The following ADPRHL1 variants were observed in gnomAD, a reference collection of about 807,000 sequenced individuals.
The protein encoded by ADPRHL1 is inactive ADP-ribosyltransferase ARH2.
Under a neutral mutation model 44.1 loss-of-function variants are expected in ADPRHL1, and 43 were observed. The ratio of observed to expected loss-of-function variants is 0.98; its 90% CI spans 0.76 to 1.26. The LOEUF (loss-of-function observed/expected upper bound fraction) is 1.26, where lower values mean the gene tolerates loss of function less well. Ranked by LOEUF, ADPRHL1 falls within the 50% of genes most tolerant of loss-of-function variation. The pLI is 0.00. For missense variants in ADPRHL1, 2,022 were observed against 2,496.9 expected, an observed-to-expected ratio of 0.81 and a Z score of 4.05; for synonymous variants, 878 against 1,017.4, an observed-to-expected ratio of 0.86 and a Z score of 2.61.
intron 2 of ADPRHL1, among the ~76,000 whole-genome samples, chr13:113,434,183 T>C (rs1200525772): frequency 6.6e-6 from 1 of 152,142 alleles, no homozygotes; most frequent in African/African-American, 2.4e-5. Context: ...CATTGAGTTA[T>C]AACTACATAC....
chr13:113,422,987 G>C lies in ADPRHL1; in HGVS notation c.908-8C>G. On this transcript the variant is annotated splice_polypyrimidine_tract_variant and splice_region_variant and intron_variant, in intron 6 of 7. Coordinates refer to ENST00000612156, the MANE Select transcript of ADPRHL1 (RefSeq NM_001394807.1). Reference sequence around the variant, plus strand: ...CCGTGGCCGCGCTCTCCCCTGAAACGCAAAGGCAGCAGTTGCAGTGGGCTC... The same window carrying C: ...CCGTGGCCGCGCTCTCCCCTGAAACCCAAAGGCAGCAGTTGCAGTGGGCTC... The C allele has an allele frequency of 1.2e-6, 2 of 1,612,608 alleles. No homozygotes were observed. The highest frequency in any genetic ancestry group is 1.7e-6 in the Non-Finnish European group (2 of 1,179,884).
At chr13:113,416,846 G>A (rs568102770) in intron 7 of ADPRHL1, among the ~76,000 whole-genome samples, 1 of 152,322 alleles carries the variant, frequency 6.6e-6, no homozygotes, top group South Asian at 2.1e-4. Context: ...GAGGATATAG[G>A]GTCGGCAGGT....
intron 7 of ADPRHL1, among the ~76,000 whole-genome samples, chr13:113,421,321 C>G (rs1269602558): frequency 1.4e-5 from 2 of 138,090 alleles, no homozygotes; most frequent in African/African-American, 5.7e-5. Context: ...ACGCCCACCC[C>G]GGGACACGCC....
In ADPRHL1 at chr13:113,407,531, C is replaced by T; in HGVS notation, c.1751G>A (p.Arg584Lys). ...CACGCGCACCTCCGGCCGGTGCATC[C>T]TCTTCCTCTGCAGGTTCCTCTTCTT... ...ERKKRNLQRK[R>K]MHRPEVRVLH... is the part of the protein sequence containing the mutation. The change falls in exon 8 of 8, where the codon AGG becomes AAG. Residue 584 changes from arginine (R) to lysine (K), a missense_variant. Arg to Lys is a conservative substitution (Grantham distance 26). Around this residue, in one of 8 missense-constraint regions of ADPRHL1, gnomAD observed 1,221 missense variants for 1,517.8 expected, o/e 0.80. Coordinates refer to ENST00000612156, the MANE Select transcript of ADPRHL1 (RefSeq NM_001394807.1). 3 of 1,232,266 alleles carry T rather than the reference C, an allele frequency of 2.4e-6. No individual in the cohort carries two copies. Among genetic ancestry groups the T allele is most frequent in the Non-Finnish European group, 2.0e-6 (2 of 988,134 alleles). 76.3% of individuals were successfully genotyped at this position (1,232,266 alleles called of 1,614,324 possible).
chr13:113,441,963 G>A lies in ADPRHL1; in HGVS notation c.379+2462C>T, dbSNP rs566800022. Among the ~76,000 whole-genome samples, 111 of 152,328 alleles carry A rather than the reference G, an allele frequency of 7.3e-4. No individual in the cohort carries two copies. Among genetic ancestry groups the A allele is most frequent in the East Asian group, 2.9e-3 (15 of 5,186 alleles). ...TCTCTGTCACGTTGTGTCCCGCCACGCGGCGTCCGCGTCTCTATCACGCTG... is the reference window on the plus strand; with the variant it reads ...TCTCTGTCACGTTGTGTCCCGCCACACGGCGTCCGCGTCTCTATCACGCTG... On this transcript the variant is annotated intron_variant, in intron 2 of 7. Transcript: ENST00000612156. This position sits in a 1 kb window ranked among gnomAD's most constrained non-coding sequence, Gnocchi z 6.0.
chr13:113,451,023 C>A (rs960246851), intron 1 of ADPRHL1, among the ~76,000 whole-genome samples: 1 of 151,960 alleles, frequency 6.6e-6, no homozygotes, highest in African/African-American at 2.4e-5. Flanking sequence ...TGCTGGACCA[C>A]GATCCGCCTG....
Position 113,425,197 on chromosome 13 carries a change from G to A in ADPRHL1, c.647-18C>T, listed in dbSNP as rs1595545236. 6.2e-6 allele frequency: 10 copies of A among 1,609,876 alleles called. No homozygotes were observed. The highest frequency in any genetic ancestry group is 2.7e-5 in the African/African-American group (2 of 74,750). ...CTGGTATTCTAAACATAAAGAACAA[G>A]GGGAGCTGAACACAATGGCATCCAT... On this transcript the variant is annotated intron_variant, in intron 4 of 7. Transcript: ENST00000612156.
rs114763575 is a variant in ADPRHL1, at chr13:113,405,221, C to G, written c.4061G>C (p.Arg1354Pro). The G allele has an allele frequency of 0.021, 25,924 of 1,231,882 alleles. 403 individuals are homozygous for G. The highest frequency in any genetic ancestry group is 0.075 in the African/African-American group (4,866 of 64,538). 76.3% of individuals were successfully genotyped at this position (1,231,882 alleles called of 1,614,324 possible). A position where few individuals can be genotyped will look rare whatever the true frequency, so the allele number is the denominator to read the frequency against. ...PTAGDTQAKL[R>P]ASVPEPRTQA... The stretch of plus-strand genomic sequence containing the variant: ...CGTCCTAGGCTCGGGGACACTGGCC[C>G]GGAGCTTTGCCTGTGTGTCACCAGC... Residue 1354 changes from arginine to proline, a missense_variant, in exon 8 of 8, where the codon CGG (arginine) becomes CCG (proline). Around this residue, in one of 8 missense-constraint regions of ADPRHL1, gnomAD observed 1,221 missense variants for 1,517.8 expected, o/e 0.80. Transcript: ENST00000612156.
intron 7 of ADPRHL1, among the ~76,000 whole-genome samples, chr13:113,420,843 T>C (rs9577540): frequency 0.95 from 138,368 of 145,936 alleles, 65,683 homozygotes; most frequent in Non-Finnish European, 0.98. Flanking sequence ...CTGGGACACC[T>C]CTACCCCTGG....
At position 113,403,803 on chromosome 13, in the gene ADPRHL1, C is replaced by T. The variant is rs561874966; in HGVS notation, c.5479G>A (p.Glu1827Lys). 8.9e-6 allele frequency: 11 copies of T among 1,233,722 alleles called. No individual in the cohort carries two copies. The Admixed American group carries it at 3.8e-4, about 43-fold the overall frequency. The allele number at this position is 1,233,722 out of a possible 1,614,324, so 76.4% of individuals were successfully genotyped here. The change falls in exon 8 of 8, where the codon GAG becomes AAG. Residue 1827 changes from glutamate to lysine, a missense_variant. By Grantham distance (56) the Glu-to-Lys change is moderately conservative (BLOSUM62 1). Around this residue, in one of 8 missense-constraint regions of ADPRHL1, gnomAD observed 205 missense variants for 250.1 expected, o/e 0.82. Coordinates refer to ENST00000612156, the MANE Select transcript of ADPRHL1 (RefSeq NM_001394807.1). ...CTCCTGCCAGCAGCATCCACTCCCT[C>T]AGCTATGCCACTAATGGGCTGCTCC... ...AWEQPISGIA[E>K]GVDAAGRSGG...
In ADPRHL1 at chr13:113,433,765, C is replaced by A. The variant is rs139955911; in HGVS notation, c.482G>T (p.Arg161Leu). The A allele has an allele frequency of 6.3e-7, 1 of 1,595,592 alleles. No homozygotes were observed. The highest frequency in any genetic ancestry group is 2.3e-5 in the East Asian group (1 of 43,782). The change falls in exon 3 of 8, where the codon CGG (arginine) becomes CTG (leucine). Residue 161 changes from arginine to leucine, a missense_variant. Physicochemically the swap from Arg to Leu is moderately radical, Grantham distance 102. This residue lies in a region of ADPRHL1 where 437 missense variants were observed against 430.7 expected (regional missense o/e 1.01). Transcript: ENST00000612156. ...ACCTGTGGGATGGTTGTGGGTCATC[C>A]GGCCGCACTCCACGCTGACCTCGAT... Reference protein sequence around the residue: ...TLIEVSVECGRMTHNHPTGFL... With the variant: ...TLIEVSVECGLMTHNHPTGFL...
intron 1 of ADPRHL1, among the ~76,000 whole-genome samples, chr13:113,450,517 C>T (rs896505614): frequency 2.2e-4 from 33 of 151,942 alleles, no homozygotes; most frequent in African/African-American, 7.0e-4. Flanking sequence ...GTAGTGGCCC[C>T]GAATGTCTGG....
intron 2 of ADPRHL1, among the ~76,000 whole-genome samples, chr13:113,436,875 T>C (rs71449012): frequency 7.8e-6 from 1 of 128,018 alleles, no homozygotes; most frequent in Admixed American, 8.0e-5. Flanking sequence ...CACCCAGGTG[T>C]AGAGTGAACA....
At position 113,406,670 on chromosome 13, in the gene ADPRHL1, C is replaced by T; in HGVS notation, c.2612G>A (p.Cys871Tyr). Residue 871 changes from cysteine (C) to tyrosine (Y), a missense_variant, in exon 8 of 8, where the codon TGT becomes TAT. Cys to Tyr is a radical substitution (Grantham distance 194). This residue lies in a region of ADPRHL1 where 1,221 missense variants were observed against 1,517.8 expected (regional missense o/e 0.80). Coordinates refer to ENST00000612156, the MANE Select transcript of ADPRHL1 (RefSeq NM_001394807.1). ...AACCACATTCTCTCCTCCACAAATA[C>T]AAGGTTTGTTTTCACCACTTGACAT... ...QNMSSGENKP[C>Y]ICGGENVVEN... The T allele has an allele frequency of 8.1e-7, 1 of 1,231,326 alleles. No individual in the cohort carries two copies. 76.3% of individuals were successfully genotyped at this position (1,231,326 alleles called of 1,614,324 possible). A position where few individuals can be genotyped will look rare whatever the true frequency, so the allele number is the denominator to read the frequency against.
intron 3 of ADPRHL1, among the ~76,000 whole-genome samples, chr13:113,430,890 C>A (rs902948528): frequency 6.6e-6 from 1 of 152,198 alleles, no homozygotes; most frequent in East Asian, 1.9e-4. Context: ...CAGTGACCCC[C>A]GTTGCCGAGC....
At position 113,423,080 on chromosome 13, in the gene ADPRHL1, T is replaced by G; in HGVS notation, c.908-101A>C. 9 of 1,508,990 alleles carry G rather than the reference T, an allele frequency of 6.0e-6. No individual in the cohort carries two copies. In the South Asian group the frequency reaches 1.1e-4, roughly 19 times the overall value. The allele number at this position is 1,508,990 out of a possible 1,614,324, so 93.5% of individuals were successfully genotyped here. ...CCTAAGGTGGGCCAAACCCCAATTCTGCTGGGGGCAGCTGATAAAAGGGAC... is the reference window on the plus strand; with the variant it reads ...CCTAAGGTGGGCCAAACCCCAATTCGGCTGGGGGCAGCTGATAAAAGGGAC... On this transcript the variant is annotated intron_variant, in intron 6 of 7. Transcript: ENST00000612156.
chr13:113,402,760 C>T lies in ADPRHL1; in HGVS notation c.*618G>A, dbSNP rs1232806583. On this transcript the variant is annotated 3_prime_UTR_variant, in exon 8 of 8. Transcript: ENST00000612156. ...GTTTCGGCCTGGGATCCCAGCGTCC[C>T]CACACCCTCTGGTGACCACCACATG... The T allele has an allele frequency of 6.6e-6, 1 of 152,578 alleles. No homozygotes were observed. The highest frequency in any genetic ancestry group is 2.4e-5 in the African/African-American group (1 of 41,466). 9.5% of individuals were successfully genotyped at this position (152,578 alleles called of 1,614,324 possible).
chr13:113,403,703 C>A lies in ADPRHL1; in HGVS notation c.5579G>T (p.Gly1860Val). 8.1e-7 allele frequency: 1 copy of A among 1,232,026 alleles called. No homozygotes were observed. Among genetic ancestry groups the A allele is most frequent in the Admixed American group, 4.2e-5 (1 of 23,718 alleles). 76.3% of individuals were successfully genotyped at this position (1,232,026 alleles called of 1,614,324 possible). A position where few individuals can be genotyped will look rare whatever the true frequency, so the allele number is the denominator to read the frequency against. ...GGSGLGEPSA[G>V]YPPPGSRPLR... ...GGGGCGGCTTCCTGGGGGTGGGTAC[C>A]CGGCGCTGGGCTCCCCCAGGCCACT... The change falls in exon 8 of 8, where the codon GGG (glycine) becomes GTG (valine). Residue 1860 changes from glycine (G) to valine (V), a missense_variant. Gly to Val is a moderately radical substitution (Grantham distance 109). Transcript: ENST00000612156.
Position 113,407,896 on chromosome 13 carries a change from CG to C in ADPRHL1, c.1385del (p.Pro462ArgfsTer41). The C allele has an allele frequency of 3.2e-6, 4 of 1,231,960 alleles. No homozygotes were observed. The highest frequency in any genetic ancestry group is 3.0e-6 in the Non-Finnish European group (3 of 987,976). 76.3% of individuals were successfully genotyped at this position (1,231,960 alleles called of 1,614,324 possible). ...GRLISKDKQG[P>X]GGGLVGATIN... is the part of the protein sequence containing the mutation. Reference sequence around the variant, plus strand: ...TGGTGGCACCCACGAGGCCCCCACCCGGCCCCTGCTTGTCCTTGGAGATCAG... The same window carrying C: ...TGGTGGCACCCACGAGGCCCCCACCCGCCCCTGCTTGTCCTTGGAGATCAG... On this transcript the variant is annotated frameshift_variant, in exon 8 of 8. Coordinates refer to ENST00000612156, the MANE Select transcript of ADPRHL1 (RefSeq NM_001394807.1). LOFTEE classifies it low-confidence loss of function (END_TRUNC).
Sources: gnomAD v4.1 joint callset for allele counts (sites outside exome capture counted in the v4.1 genomes callset) on GRCh38, gnomAD v4.1.1 for gene constraint, gnomAD v4.1.1 regional missense constraint, Gnocchi (gnomAD v3.1) non-coding constraint, MANE v1.5 for transcripts, NCBI Gene and HGNC (gene_info 2026-07-23, HGNC 2026-07-21) for gene names.